PAN3: variants seen among roughly 807,000 people sequenced by gnomAD.
The protein encoded by PAN3 is poly(A) specific ribonuclease subunit PAN3, also known as PAN2-PAN3 deadenylation complex subunit PAN3.
Under a neutral mutation model 96.2 loss-of-function variants are expected in PAN3, and 19 were observed. The ratio of observed to expected loss-of-function variants is 0.20; its 90% CI spans 0.14 to 0.29. The LOEUF is 0.29. PAN3 is among the 10% of genes least tolerant of loss of function. The pLI is 1.00. For synonymous variants in PAN3, 433 were observed against 406.6 expected, an observed-to-expected ratio of 1.06 and a Z score of -0.78; for missense variants, 882 against 1,108.1, an observed-to-expected ratio of 0.80 and a Z score of 2.90.
At chr13:28,262,875 T>C (rs1885851502) in intron 9 of PAN3, among the ~76,000 whole-genome samples, 1 of 152,218 alleles carries the variant, frequency 6.6e-6, no homozygotes, top group Non-Finnish European at 1.5e-5. Context: ...AGGTAAGATT[T>C]CAGCAGGGGA....
intron 5 of PAN3, among the ~76,000 whole-genome samples, chr13:28,216,981 G>A (rs1880852732): frequency 6.6e-6 from 1 of 151,874 alleles, no homozygotes; most frequent in African/African-American, 2.4e-5. Flanking sequence ...GGGTGCGGTG[G>A]CGGGCGCCTG....
chr13:28,281,908 C>G (rs1000131816), intron 17 of PAN3, among the ~76,000 whole-genome samples: 2 of 151,894 alleles, frequency 1.3e-5, no homozygotes, highest in African/African-American at 4.8e-5. Flanking sequence ...GTAGCTGGGA[C>G]TACAGGTGTG....
At chr13:28,162,478 A>G (rs1872997551) in intron 1 of PAN3, among the ~76,000 whole-genome samples, 1 of 152,038 alleles carries the variant, frequency 6.6e-6, no homozygotes, top group African/African-American at 2.4e-5. Flanking sequence ...TGAGCTCACG[A>G]GTTTGAGACC....
intron 1 of PAN3, among the ~76,000 whole-genome samples, chr13:28,159,244 A>G (rs1421592630): frequency 1.3e-5 from 2 of 152,224 alleles, no homozygotes; most frequent in Non-Finnish European, 2.9e-5. Flanking sequence ...AATTTGGGGC[A>G]TGTACACCAT....
intron 1 of PAN3, among the ~76,000 whole-genome samples, chr13:28,167,673 CA>C (rs1166063021): frequency 0.015 from 900 of 61,322 alleles, 3 homozygotes; most frequent in African/African-American, 0.049. Flanking sequence ...CCTGTCTCTA[CA>C]AAAAAAAAAA....
At chr13:28,155,038 G>T (rs536327241) in intron 1 of PAN3, among the ~76,000 whole-genome samples, 94 of 148,758 alleles carry the variant, frequency 6.3e-4, no homozygotes, top group African/African-American at 2.3e-3. Context: ...CCGTGGTCTC[G>T]ATCTCCTGAC....
In PAN3 at chr13:28,288,135, T is replaced by C. The variant is rs759152883; in HGVS notation, c.2523+13T>C. 2 of 1,587,036 alleles carry C rather than the reference T, an allele frequency of 1.3e-6. No homozygotes were observed. Among genetic ancestry groups the C allele is most frequent in the Admixed American group, 1.9e-5 (1 of 54,034 alleles). On this transcript the variant is annotated intron_variant, in intron 18 of 18. Transcript: ENST00000380958. Reference sequence around the variant, plus strand: ...TTGTCTTAACAAGGTAATTTGTATCTAGATTTTTTAAGATCATAATTCTGC... The same window carrying C: ...TTGTCTTAACAAGGTAATTTGTATCCAGATTTTTTAAGATCATAATTCTGC...
chr13:28,138,615 C>CGGCGGCGGT lies in PAN3; in HGVS notation c.-40_-39insGGCGGTGGC, dbSNP rs1463833574. 4.0e-6 allele frequency: 2 copies of CGGCGGCGGT among 493,944 alleles called. No individual in the cohort carries two copies. Among genetic ancestry groups the CGGCGGCGGT allele is most frequent in the East Asian group, 3.6e-5 (1 of 28,052 alleles). The allele number at this position is 493,944 out of a possible 1,614,324, so 30.6% of individuals were successfully genotyped here. On this transcript the variant is annotated 5_prime_UTR_variant, in exon 1 of 19. Coordinates refer to ENST00000380958, the MANE Select transcript of PAN3 (RefSeq NM_175854.8). ...CCCCCGTCTATGGTGGTGGCGGCGG[C>CGGCGGCGGT]GGCTCCTCGGGCGGCGGCGGAAGAC...
At chr13:28,169,646 A>G (rs1000992578) in intron 1 of PAN3, among the ~76,000 whole-genome samples, 10 of 152,178 alleles carry the variant, frequency 6.6e-5, no homozygotes, top group African/African-American at 2.2e-4. Flanking sequence ...ATCATTGGTT[A>G]GTGATTTTTT....
intron 6 of PAN3, among the ~76,000 whole-genome samples, chr13:28,223,641 G>C (rs1881646975): frequency 6.6e-6 from 1 of 150,638 alleles, no homozygotes; most frequent in South Asian, 2.1e-4. Context: ...TCTGCTCACT[G>C]CAACCTCCAC....
At chr13:28,259,394 C>T (rs989489321) in intron 7 of PAN3, among the ~76,000 whole-genome samples, 2 of 151,784 alleles carry the variant, frequency 1.3e-5, no homozygotes, top group Non-Finnish European at 2.9e-5. Flanking sequence ...GCAACCTCCA[C>T]CTCCGGGTTC....
intron 5 of PAN3, chr13:28,215,732 G>A (rs1880667221): frequency 1.3e-6 from 2 of 1,498,288 alleles, no homozygotes; most frequent in Middle Eastern, 4.7e-4. Context: ...TTCCTGGCAA[G>A]CCCATGTGTG....
chr13:28,169,610 A>G (rs1024067139), intron 1 of PAN3, among the ~76,000 whole-genome samples: 3 of 152,122 alleles, frequency 2.0e-5, no homozygotes, highest in African/African-American at 7.2e-5. Flanking sequence ...TAATATATTT[A>G]TGATCTGTAT....
intron 18 of PAN3, among the ~76,000 whole-genome samples, chr13:28,291,412 A>G (rs943265504): frequency 2.0e-5 from 3 of 152,266 alleles, no homozygotes; most frequent in African/African-American, 7.2e-5. Flanking sequence ...ATCATATACT[A>G]GCATTTACAC....
chr13:28,288,240 A>G, intron 18 of PAN3, 118 bp downstream of exon 18: 1 of 879,634 alleles, frequency 1.1e-6, no homozygotes. Context: ...AGTAGCCTGT[A>G]AGACGTTTTA....
At chr13:28,152,772 A>G (rs1871535855) in intron 1 of PAN3, among the ~76,000 whole-genome samples, 1 of 152,222 alleles carries the variant, frequency 6.6e-6, no homozygotes, top group Non-Finnish European at 1.5e-5. Context: ...CAGTTTACAG[A>G]AGAAATACAA....
chr13:28,149,319 T>C (rs1387832336), intron 1 of PAN3, among the ~76,000 whole-genome samples: 1 of 152,138 alleles, frequency 6.6e-6, no homozygotes, highest in Non-Finnish European at 1.5e-5. Context: ...GCCGTGATCA[T>C]GCCACTGCCC....
chr13:28,280,665 G>A (rs908160885), intron 16 of PAN3, 124 bp downstream of exon 16: 22 of 855,280 alleles, frequency 2.6e-5, no homozygotes, highest in Admixed American at 1.3e-4. Flanking sequence ...GGGTTCAAGC[G>A]AGTCTCCTGC....
At chr13:28,172,442 C>T (rs1296779341) in intron 1 of PAN3, among the ~76,000 whole-genome samples, 2 of 151,842 alleles carry the variant, frequency 1.3e-5, no homozygotes, top group Admixed American at 6.6e-5. Context: ...GGTGACAGAG[C>T]GAGACTCTGT....
Sources: allele counts gnomAD v4.1 joint callset (sites outside exome capture counted in the v4.1 genomes callset), GRCh38; gene constraint gnomAD v4.1.1; transcripts MANE v1.5; gene names NCBI Gene and HGNC (gene_info 2026-07-23, HGNC 2026-07-21).